AMZ2: variants seen among roughly 807,000 people sequenced by gnomAD.
AMZ2 encodes the protein archaelysin family metallopeptidase 2, also known as archaemetzincin-2.
In AMZ2, 26 loss-of-function variants were observed where a neutral mutation model predicts 36.7. That is an observed-to-expected ratio of 0.71 (90% CI 0.52 to 0.98). The LOEUF is 0.98. Among genes scored for constraint, AMZ2 ranks in the 50% least tolerant of loss-of-function variants. The pLI is 0.00. For synonymous variants in AMZ2, 144 were observed against 149.1 expected, an observed-to-expected ratio of 0.97 and a Z score of 0.25; for missense variants, 394 against 430.5, an observed-to-expected ratio of 0.92 and a Z score of 0.75.
chr17:68,211,728 ATG>A (rs1555725978), intron 1 of AMZ2, among the ~76,000 whole-genome samples: 34 of 114,120 alleles, frequency 3.0e-4, no homozygotes, highest in Admixed American at 1.7e-3. Context: ...ATATATGTAT[ATG>A]TATATATGTG....
chr17:68,209,394 A>G (rs1371391185), intron 1 of AMZ2, among the ~76,000 whole-genome samples: 1 of 151,480 alleles, frequency 6.6e-6, no homozygotes, highest in African/African-American at 2.4e-5. Context: ...GGGTTTCACT[A>G]TGTTGGCCAG....
chr17:68,249,037 C>G (rs577535269), intron 1 of AMZ2: 1 of 1,179,694 alleles, frequency 8.5e-7, no homozygotes, highest in African/African-American at 1.6e-5. Flanking sequence ...CGGACCCATT[C>G]AAGAGGAAGG....
intron 1 of AMZ2, chr17:68,206,955 A>G (rs2072852682): frequency 6.6e-6 from 1 of 152,558 alleles, no homozygotes; most frequent in African/African-American, 2.4e-5. Flanking sequence ...TTGGTTATTC[A>G]TTCGATTCAA....
chr17:68,237,768 C>T (rs1358153724), intron 1 of AMZ2, among the ~76,000 whole-genome samples: 1 of 152,230 alleles, frequency 6.6e-6, no homozygotes, highest in African/African-American at 2.4e-5. Flanking sequence ...TCCAATCAGA[C>T]ACCTGCTGCG....
upstream of AMZ2, among the ~76,000 whole-genome samples, chr17:68,243,814 A>AT (rs1400338049): frequency 1.3e-5 from 2 of 152,208 alleles, no homozygotes; most frequent in Non-Finnish European, 2.9e-5. Context: ...TTGGGGGGAA[A>AT]TTCGTAAAAT....
At chr17:68,207,511 C>T (rs536570715) in intron 1 of AMZ2, 32 of 152,170 alleles carry the variant, frequency 2.1e-4, no homozygotes, top group African/African-American at 6.7e-4. Context: ...GGAAAAAGGA[C>T]CCTTTTTTCC....
intron 1 of AMZ2, among the ~76,000 whole-genome samples, chr17:68,223,143 C>T (rs556352562): frequency 1.6e-4 from 25 of 152,286 alleles, no homozygotes; most frequent in African/African-American, 5.8e-4. Flanking sequence ...CTAAGGTGTT[C>T]ATGATTCTCT....
chr17:68,211,738 G>GTATATATGTATATGTATATATA (rs879948462), intron 1 of AMZ2, among the ~76,000 whole-genome samples: 1 of 101,070 alleles, frequency 9.9e-6, no homozygotes, highest in African/African-American at 4.7e-5. Flanking sequence ...ATGTATATAT[G>GTATATATGTATATGTATATATA]TGTATATGTA....
chr17:68,223,357 C>T (rs1314943398), intron 1 of AMZ2, among the ~76,000 whole-genome samples: 3 of 152,006 alleles, frequency 2.0e-5, no homozygotes, highest in East Asian at 3.9e-4. Context: ...AGAAGCCCCT[C>T]GTGGCCTCAT....
chr17:68,219,697 A>G (rs1445817345), intron 1 of AMZ2, among the ~76,000 whole-genome samples: 1 of 118,060 alleles, frequency 8.5e-6, no homozygotes, highest in East Asian at 2.4e-4. Flanking sequence ...ACATCTGGCA[A>G]ATTTTTTTTT....
intron 1 of AMZ2, among the ~76,000 whole-genome samples, chr17:68,238,267 A>C (rs12451378): frequency 0.22 from 33,110 of 151,734 alleles, 4,079 homozygotes; most frequent in East Asian, 0.4. Context: ...GGCTGATCTC[A>C]AACTCCTGAG....
At chr17:68,224,805 TTGCC>T (rs2073469693) in intron 1 of AMZ2, among the ~76,000 whole-genome samples, 2 of 152,074 alleles carry the variant, frequency 1.3e-5, no homozygotes, top group African/African-American at 2.4e-5. Flanking sequence ...TCCCTTTTTT[TTGCC>T]TGCCTTCTTT....
chr17:68,249,050 G>T (rs1440295784), intron 1 of AMZ2: 1 of 1,185,328 alleles, frequency 8.4e-7, no homozygotes, highest in East Asian at 3.5e-5. Flanking sequence ...GAGGAAGGAT[G>T]AAAGCTCTAT....
chr17:68,230,366 G>A (rs1230229769), intron 1 of AMZ2, among the ~76,000 whole-genome samples: 1 of 152,224 alleles, frequency 6.6e-6, no homozygotes, highest in African/African-American at 2.4e-5. Flanking sequence ...GAGCTTCTGT[G>A]TCCGGCCTCC....
In AMZ2 at chr17:68,250,088, T is replaced by G. The variant is rs1459537300; in HGVS notation, c.1-100T>G. ...CTCTAAAGCATTAGCAATCAGTCATTTCACTCTAGGGAGAAATCAGAGCTG... is the reference window on the plus strand; with the variant it reads ...CTCTAAAGCATTAGCAATCAGTCATGTCACTCTAGGGAGAAATCAGAGCTG... On this transcript the variant is annotated intron_variant, in intron 1 of 6. Transcript: ENST00000359904. 3 of 1,313,840 alleles carry G rather than the reference T, an allele frequency of 2.3e-6. No homozygotes were observed. In the East Asian group the frequency reaches 7.1e-5, roughly 31 times the overall value. 81.4% of individuals were successfully genotyped at this position (1,313,840 alleles called of 1,614,324 possible).
chr17:68,241,263 A>C (rs1307458922), intron 1 of AMZ2, among the ~76,000 whole-genome samples: 2 of 152,258 alleles, frequency 1.3e-5, no homozygotes, highest in Non-Finnish European at 2.9e-5. Flanking sequence ...TAAATAATAG[A>C]AATCAAGTGA....
At chr17:68,209,632 A>ATATATATATATGTATATATATATT in intron 1 of AMZ2, among the ~76,000 whole-genome samples, 1 of 90,688 alleles carries the variant, frequency 1.1e-5, no homozygotes, top group Non-Finnish European at 2.0e-5. Flanking sequence ...ATATATATAT[A>ATATATATATATGTATATATATATT]TTTTTTTTTT....
chr17:68,248,922 A>T (rs1397298794), intron 1 of AMZ2: 6 of 652,430 alleles, frequency 9.2e-6, no homozygotes, highest in Non-Finnish European at 1.2e-5. Context: ...TCAATCGTCT[A>T]TCATTAAACT....
intron 1 of AMZ2, among the ~76,000 whole-genome samples, chr17:68,216,103 C>T (rs1443431330): frequency 5.1e-4 from 77 of 152,250 alleles, no homozygotes; most frequent in Admixed American, 2.0e-4. Flanking sequence ...AGCCCAATAA[C>T]GCAGGTACTA....
Sources: allele counts gnomAD v4.1 joint callset (sites outside exome capture counted in the v4.1 genomes callset), GRCh38; gene constraint gnomAD v4.1.1; transcripts MANE v1.5; gene names NCBI Gene and HGNC (gene_info 2026-07-23, HGNC 2026-07-21).